Variants in WWOX observed in about 807,000 individuals in gnomAD.
The protein encoded by WWOX is WW domain containing oxidoreductase.
A neutral mutation model predicts 46.2 loss-of-function variants in WWOX; 69 were observed. The observed-to-expected ratio is 1.49, with a 90% confidence interval of 1.23 to 1.82. The LOEUF (loss-of-function observed/expected upper bound fraction) is 1.82, where lower values mean the gene tolerates loss of function less well. Ranked by LOEUF, WWOX falls within the 40% of genes most tolerant of loss-of-function variation. The pLI is 0.00. For synonymous variants in WWOX, 359 were observed against 202.6 expected (o/e 1.77, Z -6.56); for missense variants, 919 against 542.6 (o/e 1.69, Z -6.89).
intron 8 of WWOX, among the ~76,000 whole-genome samples, chr16:78,978,844 C>T (rs566376205): frequency 2.0e-5 from 3 of 152,176 alleles, no homozygotes; most frequent in African/African-American, 4.8e-5. Context: ...CCAGGCCCCA[C>T]CTCCAACACT....
rs936431440 is a variant in WWOX at position 78,370,342 on chromosome 16, G to C, written c.517-16518G>C. On this transcript the variant is annotated intron_variant, in intron 5 of 8. Coordinates refer to ENST00000566780, the MANE Select transcript of WWOX (RefSeq NM_016373.4). ...GTAAATTCATATGTAAGTGTTCTTA[G>C]AGCAGAGTTCAGTACATAGTAAGTA... 5.3e-5 allele frequency among the ~76,000 whole-genome samples: 8 copies of C among 152,064 alleles called. No homozygotes were observed. In the South Asian group the frequency reaches 1.2e-3, roughly 24 times the overall value.
intron 6 of WWOX, among the ~76,000 whole-genome samples, chr16:78,421,457 C>T (rs73571101): frequency 6.6e-6 from 1 of 152,056 alleles, no homozygotes; most frequent in African/African-American, 2.4e-5. Context: ...GATTTAAGGC[C>T]CACCTTAATC....
intron 5 of WWOX, among the ~76,000 whole-genome samples, chr16:78,172,547 G>GA (rs957670625): frequency 8.6e-5 from 13 of 150,646 alleles, no homozygotes; most frequent in African/African-American, 3.2e-4. Context: ...ACTTAGTCTT[G>GA]AATGTTATTC....
rs541781126 is a variant in WWOX at position 79,212,165 on chromosome 16, G to A, written c.*369G>A. ...CCTCGTCCCATCCAGCTACCACCAC[G>A]GCCACCACTGCAGCCGGGGGCTGGC... On this transcript the variant is annotated 3_prime_UTR_variant, in exon 9 of 9. Transcript: ENST00000566780. 3.2e-4 allele frequency: 481 copies of A among 1,493,774 alleles called. No individual in the cohort carries two copies. Among genetic ancestry groups the A allele is most frequent in the Non-Finnish European group, 3.9e-4 (444 of 1,127,412 alleles). The allele number at this position is 1,493,774 out of a possible 1,614,324, so 92.5% of individuals were successfully genotyped here. A position where few individuals can be genotyped will look rare whatever the true frequency, so the allele number is the denominator to read the frequency against.
At chr16:78,876,034 C>A (rs976449413) in intron 8 of WWOX, among the ~76,000 whole-genome samples, 1 of 152,144 alleles carries the variant, frequency 6.6e-6, no homozygotes, top group African/African-American at 2.4e-5. Context: ...TAAACAGGCT[C>A]CATGGTACTA....
intron 8 of WWOX, among the ~76,000 whole-genome samples, chr16:78,675,050 C>G (rs893141962): frequency 6.6e-6 from 1 of 152,152 alleles, no homozygotes; most frequent in African/African-American, 2.4e-5. Flanking sequence ...ATGGTAAGTG[C>G]TAAGTAAATG....
At chr16:78,538,265 G>A (rs545107926) in intron 8 of WWOX, among the ~76,000 whole-genome samples, 55 of 142,076 alleles carry the variant, frequency 3.9e-4, no homozygotes, top group South Asian at 7.0e-4. Flanking sequence ...AGGGGTTGGA[G>A]AATGTTCATA....
intron 8 of WWOX, among the ~76,000 whole-genome samples, chr16:78,964,115 C>G (rs1275216371): frequency 6.6e-6 from 1 of 152,068 alleles, no homozygotes; most frequent in Non-Finnish European, 1.5e-5. Context: ...TGAAAATGGA[C>G]TAATACAGTG....
intron 5 of WWOX, among the ~76,000 whole-genome samples, chr16:78,260,863 G>A (rs2079214325): frequency 6.7e-6 from 1 of 148,436 alleles, no homozygotes; most frequent in Non-Finnish European, 1.5e-5. Context: ...CTCGAACCCG[G>A]GAGGTGGAGG....
intron 8 of WWOX, among the ~76,000 whole-genome samples, chr16:78,707,303 C>T (rs547253698): frequency 1.3e-5 from 2 of 152,320 alleles, no homozygotes; most frequent in African/African-American, 4.8e-5. Flanking sequence ...AAAATCTCTA[C>T]ATTTCTCAAC....
chr16:78,108,997 GACA>G (rs547868129), intron 2 of WWOX, among the ~76,000 whole-genome samples: 21 of 152,096 alleles, frequency 1.4e-4, no homozygotes, highest in African/African-American at 4.6e-4. Context: ...GAAAAATAGC[GACA>G]ACAACAACAA....
In WWOX at chr16:78,293,996, A is replaced by C. The variant is rs868697218; in HGVS notation, c.517-92864A>C. On this transcript the variant is annotated intron_variant, in intron 5 of 8. Coordinates refer to ENST00000566780, the MANE Select transcript of WWOX (RefSeq NM_016373.4). Reference sequence around the variant, plus strand: ...TGTCTCAGAAAAAAAAAAAAAAAAAAAAAAAAAAAAAAAAGGCTTTCCTGA... The same window carrying C: ...TGTCTCAGAAAAAAAAAAAAAAAAACAAAAAAAAAAAAAAGGCTTTCCTGA... Among the ~76,000 whole-genome samples the C allele has an allele frequency of 1.4e-4, 21 of 150,592 alleles. No individual in the cohort carries two copies. In the South Asian group the frequency reaches 2.3e-3, roughly 17 times the overall value.
At chr16:78,582,829 A>G (rs2045095962) in intron 8 of WWOX, among the ~76,000 whole-genome samples, 1 of 152,140 alleles carries the variant, frequency 6.6e-6, no homozygotes, top group Non-Finnish European at 1.5e-5. Context: ...AAGACCTGGT[A>G]TGTCTTATGT....
At chr16:78,974,974 A>T (rs1297668833) in intron 8 of WWOX, among the ~76,000 whole-genome samples, 1 of 152,260 alleles carries the variant, frequency 6.6e-6, no homozygotes. Flanking sequence ...GGACATTTCT[A>T]GGCTTGTGGA....
At chr16:78,616,290 A>G (rs1006471917) in intron 8 of WWOX, among the ~76,000 whole-genome samples, 4 of 152,072 alleles carry the variant, frequency 2.6e-5, no homozygotes, top group South Asian at 2.1e-4. Flanking sequence ...ACAAAATGCC[A>G]TGGACTGAAT....
At chr16:78,563,458 A>G (rs2044486728) in intron 8 of WWOX, among the ~76,000 whole-genome samples, 1 of 147,836 alleles carries the variant, frequency 6.8e-6, no homozygotes, top group African/African-American at 2.5e-5. Context: ...CAAAGATAGT[A>G]TGTGTTCAGG....
At chr16:78,948,781 A>T (rs1270656452) in intron 8 of WWOX, among the ~76,000 whole-genome samples, 3 of 152,076 alleles carry the variant, frequency 2.0e-5, no homozygotes, top group Non-Finnish European at 4.4e-5. Context: ...GACAAAAGGG[A>T]CCTTGCAGAT....
chr16:78,773,467 T>C (rs2050115681), intron 8 of WWOX, among the ~76,000 whole-genome samples: 1 of 152,168 alleles, frequency 6.6e-6, no homozygotes, highest in African/African-American at 2.4e-5. Context: ...TTTAAAACAA[T>C]GAGGCGGGCA....
chr16:78,371,273 G>T (rs931842739), intron 5 of WWOX, among the ~76,000 whole-genome samples: 3 of 152,084 alleles, frequency 2.0e-5, no homozygotes, highest in Non-Finnish European at 4.4e-5. Flanking sequence ...TCTACAGATG[G>T]ATATAACTTT....
Sources: allele counts gnomAD v4.1 joint callset (sites outside exome capture counted in the v4.1 genomes callset), GRCh38; gene constraint gnomAD v4.1.1; transcripts MANE v1.5; gene names NCBI Gene and HGNC (gene_info 2026-07-23, HGNC 2026-07-21).